ANTXR2: variants seen among roughly 807,000 people sequenced by gnomAD.
ANTXR2 encodes ANTXR cell adhesion molecule 2.
Under a neutral mutation model 73.7 loss-of-function variants are expected in ANTXR2, and 44 were observed. The ratio of observed to expected loss-of-function variants is 0.60; its 90% CI spans 0.47 to 0.77. The LOEUF is 0.77. Ranked by LOEUF, ANTXR2 falls within the 30% of genes least tolerant of loss-of-function variation. The probability of loss-of-function intolerance (pLI) is 0.00; values close to 1 mark genes in which losing one functional copy is unlikely to be tolerated. For synonymous variants in ANTXR2, 217 were observed against 205.9 expected (o/e 1.05, Z -0.46); for missense variants, 604 against 592.5 (o/e 1.02, Z -0.20).
chr4:79,951,191 G>A (rs1382695246), intron 16 of ANTXR2, among the ~76,000 whole-genome samples: 1 of 152,186 alleles, frequency 6.6e-6, no homozygotes, highest in Non-Finnish European at 1.5e-5. Flanking sequence ...ATGGGACACA[G>A]ATTTATTTAA....
At chr4:79,965,514 T>A (rs1729328843) in intron 16 of ANTXR2, among the ~76,000 whole-genome samples, 1 of 152,226 alleles carries the variant, frequency 6.6e-6, no homozygotes, top group African/African-American at 2.4e-5. Flanking sequence ...TTCTACAGTT[T>A]AAAAATTGCT....
chr4:79,934,013 C>T (rs1192782813), intron 16 of ANTXR2, among the ~76,000 whole-genome samples: 1 of 152,058 alleles, frequency 6.6e-6, no homozygotes, highest in Non-Finnish European at 1.5e-5. Context: ...GCTGGGATTG[C>T]AGGCATGAGC....
At chr4:80,009,262 C>T (rs886434393) in intron 11 of ANTXR2, among the ~76,000 whole-genome samples, 1 of 152,084 alleles carries the variant, frequency 6.6e-6, no homozygotes, top group African/African-American at 2.4e-5. Context: ...CTACTCTGGG[C>T]GCTGTTCTTA....
At chr4:79,924,398 G>A (rs1231765827) in intron 16 of ANTXR2, among the ~76,000 whole-genome samples, 2 of 152,134 alleles carry the variant, frequency 1.3e-5, no homozygotes, top group Non-Finnish European at 2.9e-5. Flanking sequence ...GGCCTAGGCA[G>A]GAGGACTGCT....
rs1322190031 is a variant in ANTXR2, at chr4:79,915,079, T to G, written c.1429-7612A>C. ...AGTATATCTTAGAGTGGGAAGCTTA[T>G]TGACATTTTCCCAGAAATTGTTGCT... On this transcript the variant is annotated intron_variant, in intron 16 of 16. Coordinates refer to ENST00000403729, the MANE Select transcript of ANTXR2 (RefSeq NM_058172.6). 2.0e-5 allele frequency among the ~76,000 whole-genome samples: 3 copies of G among 152,308 alleles called. No individual in the cohort carries two copies. The East Asian group carries it at 5.8e-4, about 29-fold the overall frequency.
intron 16 of ANTXR2, among the ~76,000 whole-genome samples, chr4:79,953,344 T>C (rs1478335043): frequency 2.0e-5 from 3 of 152,228 alleles, no homozygotes; most frequent in South Asian, 4.1e-4. Context: ...GCTCCATAGA[T>C]CAAAATAAGA....
rs1210252390 is a variant in ANTXR2 at position 79,902,677 on chromosome 4, A to T, written c.*4752T>A. The T allele has an allele frequency of 6.6e-6, 1 of 152,096 alleles. No individual in the cohort carries two copies. Among genetic ancestry groups the T allele is most frequent in the East Asian group, 1.9e-4 (1 of 5,176 alleles). The allele number at this position is 152,096 out of a possible 1,614,324, so 9.4% of individuals were successfully genotyped here. ...TGACAAATTTAATTATAAGAAATTA[A>T]CTAAGAAATTATTATGGCTAATTAT... On this transcript the variant is annotated 3_prime_UTR_variant, in exon 17 of 17. Transcript: ENST00000403729.
chr4:80,020,744 C>CTGGG, intron 10 of ANTXR2, among the ~76,000 whole-genome samples: 1 of 152,080 alleles, frequency 6.6e-6, no homozygotes, highest in Non-Finnish European at 1.5e-5. Flanking sequence ...TGGATTCATA[C>CTGGG]AAGAAAGCTA....
At chr4:79,919,180 A>C (rs1727469596) in intron 16 of ANTXR2, among the ~76,000 whole-genome samples, 1 of 152,202 alleles carries the variant, frequency 6.6e-6, no homozygotes, top group Non-Finnish European at 1.5e-5. Context: ...ACTGGAACAA[A>C]TAAACTGGAC....
Position 79,984,812 on chromosome 4 carries a change from C to T in ANTXR2, c.1086+7G>A. 6 of 1,605,776 alleles carry T rather than the reference C, an allele frequency of 3.7e-6. No homozygotes were observed. Among genetic ancestry groups the T allele is most frequent in the Non-Finnish European group, 5.1e-6 (6 of 1,175,054 alleles). ...CAGCCATATCAGTTTTTTAGGCACT[C>T]ACTTACCTCTTTTGGTGCAGGGGCG... On this transcript the variant is annotated splice_region_variant and intron_variant, in intron 13 of 16. Coordinates refer to ENST00000403729, the MANE Select transcript of ANTXR2 (RefSeq NM_058172.6).
In ANTXR2 at chr4:80,002,317, C is replaced by T. The variant is rs1248232745; in HGVS notation, c.1041+6204G>A. Reference sequence around the variant, plus strand: ...AAAAACAAGCAATGGGGAAAGGATTCCTTATTTAATAAATGGTGCTGGGAA... The same window carrying T: ...AAAAACAAGCAATGGGGAAAGGATTTCTTATTTAATAAATGGTGCTGGGAA... On this transcript the variant is annotated intron_variant, in intron 12 of 16. Coordinates refer to ENST00000403729, the MANE Select transcript of ANTXR2 (RefSeq NM_058172.6). Among the ~76,000 whole-genome samples, 3 of 152,070 alleles carry T rather than the reference C, an allele frequency of 2.0e-5. No homozygotes were observed. The East Asian group carries it at 5.8e-4, about 29-fold the overall frequency.
chr4:79,935,963 A>C (rs1728243724), intron 16 of ANTXR2, among the ~76,000 whole-genome samples: 1 of 152,218 alleles, frequency 6.6e-6, no homozygotes, highest in Admixed American at 6.5e-5. Context: ...TCCCAGTGGA[A>C]TCTCTCTTCT....
intron 7 of ANTXR2, among the ~76,000 whole-genome samples, chr4:80,037,366 A>G (rs1428077794): frequency 6.6e-6 from 1 of 152,204 alleles, no homozygotes. Context: ...GTGTCAAATC[A>G]TGGAACTTTG....
chr4:79,984,333 T>C (rs755193612), intron 13 of ANTXR2, among the ~76,000 whole-genome samples: 5 of 152,180 alleles, frequency 3.3e-5, no homozygotes, highest in Non-Finnish European at 7.4e-5. Flanking sequence ...CATCAATGTG[T>C]GTGTAGGTTT....
rs1374538905 is a variant in ANTXR2 at position 79,927,085 on chromosome 4, T to C, written c.1429-19618A>G. On this transcript the variant is annotated intron_variant, in intron 16 of 16. Transcript: ENST00000403729. ...TGTATATATATATATATATGAATAT[T>C]ATTCAGCCTTAAAAAAAAGGAGGTA... is the stretch of plus-strand genomic sequence containing the variant. Among the ~76,000 whole-genome samples, 5 of 149,564 alleles carry C rather than the reference T, an allele frequency of 3.3e-5. No individual in the cohort carries two copies. In the East Asian group the frequency reaches 7.8e-4, roughly 23 times the overall value.
At chr4:79,977,962 T>G in intron 15 of ANTXR2, 45 bp downstream of exon 15, 1 of 1,528,686 alleles carries the variant, frequency 6.5e-7, no homozygotes, top group Admixed American at 2.2e-5. Context: ...AGTTACAATG[T>G]CTCCAGAAGT....
chr4:80,055,619 A>T (rs1278471293), intron 4 of ANTXR2, among the ~76,000 whole-genome samples, 152 bp from the exon 5 acceptor site: 1 of 151,954 alleles, frequency 6.6e-6, no homozygotes, highest in African/African-American at 2.4e-5. Context: ...TTTATTTGAA[A>T]TATGCATATA....
intron 12 of ANTXR2, among the ~76,000 whole-genome samples, chr4:80,000,290 G>T (rs1730967136): frequency 6.6e-6 from 1 of 151,938 alleles, no homozygotes. Context: ...TGAAGTCAAT[G>T]AAAATTATAT....
intron 3 of ANTXR2, 50 bp downstream of exon 3, chr4:80,069,386 T>A: frequency 7.0e-7 from 1 of 1,424,272 alleles, no homozygotes; most frequent in Non-Finnish European, 9.7e-7. Flanking sequence ...AATCATGCCT[T>A]TAAAATTCAT....
Sources: gnomAD v4.1 joint callset for allele counts (sites outside exome capture counted in the v4.1 genomes callset) on GRCh38, gnomAD v4.1.1 for gene constraint, MANE v1.5 for transcripts, NCBI Gene and HGNC (gene_info 2026-07-23, HGNC 2026-07-21) for gene names.